The following RAB10 variants were observed in gnomAD, a reference collection of about 807,000 sequenced individuals.
RAB10 encodes the protein RAB10, member RAS oncogene family, also known as ras-related protein Rab-10.
In RAB10, 5 loss-of-function variants were observed where a neutral mutation model predicts 25.7. The observed-to-expected ratio is 0.19, with a 90% CI of 0.10 to 0.41. The LOEUF (loss-of-function observed/expected upper bound fraction) is 0.41. RAB10 is among the 10% of genes least tolerant of loss of function. The pLI, the probability that RAB10 is intolerant of heterozygous loss-of-function variation, is 1.00. For missense variants in RAB10, 103 were observed against 245.8 expected (o/e 0.42, Z 3.89); for synonymous variants, 89 against 86.4 (o/e 1.03, Z -0.16).
chr2:26,102,944 A>G (rs901832819), intron 2 of RAB10, among the ~76,000 whole-genome samples: 7 of 152,208 alleles, frequency 4.6e-5, no homozygotes, highest in Non-Finnish European at 1.0e-4. Flanking sequence ...CTTGATTTAG[A>G]GCATTGTTAG....
chr2:26,050,541 A>G (rs924506178), intron 1 of RAB10, among the ~76,000 whole-genome samples: 3 of 151,944 alleles, frequency 2.0e-5, no homozygotes, highest in African/African-American at 4.8e-5. Context: ...AATTTGTTCT[A>G]CTGCCTGGGA....
intron 2 of RAB10, among the ~76,000 whole-genome samples, chr2:26,099,952 AG>A (rs1667309192): frequency 6.6e-6 from 1 of 152,112 alleles, no homozygotes; most frequent in African/African-American, 2.4e-5. Flanking sequence ...TTGATTTTAA[AG>A]TATCCTTTTC....
chr2:26,035,209 A>G (rs1313025971), intron 1 of RAB10, among the ~76,000 whole-genome samples: 1 of 152,230 alleles, frequency 6.6e-6, no homozygotes, highest in African/African-American at 2.4e-5. Flanking sequence ...AGAATAATTA[A>G]GGTAAATTAG....
chr2:26,096,244 C>T (rs1397935319), intron 1 of RAB10, among the ~76,000 whole-genome samples: 3 of 152,132 alleles, frequency 2.0e-5, no homozygotes, highest in African/African-American at 7.2e-5. Context: ...TCTTTTTACT[C>T]CATTTATTGC....
chr2:26,108,752 C>T (rs189849301), intron 2 of RAB10, among the ~76,000 whole-genome samples: 162 of 152,196 alleles, frequency 1.1e-3, no homozygotes, highest in Non-Finnish European at 2.1e-3. Flanking sequence ...CAGGACCTCT[C>T]TGCACAGTTT....
intron 1 of RAB10, among the ~76,000 whole-genome samples, chr2:26,079,550 G>T (rs965726606): frequency 2.0e-5 from 3 of 151,908 alleles, no homozygotes; most frequent in African/African-American, 7.2e-5. Flanking sequence ...CTCTCTGCTG[G>T]GAAGTCATAG....
chr2:26,132,449 T>C (rs1387900111), intron 5 of RAB10, among the ~76,000 whole-genome samples: 2 of 152,174 alleles, frequency 1.3e-5, no homozygotes, highest in East Asian at 3.9e-4. Context: ...AGACAGGGTT[T>C]CAACATATTG....
chr2:26,102,605 A>G (rs1381890530), intron 2 of RAB10, among the ~76,000 whole-genome samples: 1 of 151,912 alleles, frequency 6.6e-6, no homozygotes, highest in Non-Finnish European at 1.5e-5. Flanking sequence ...CGTCCAGCTA[A>G]TTTTTTGTAT....
intron 1 of RAB10, among the ~76,000 whole-genome samples, chr2:26,050,830 C>T (rs115940818): frequency 0.013 from 1,998 of 152,120 alleles, 31 homozygotes; most frequent in South Asian, 0.039. Context: ...CTCATTTTGT[C>T]TCCTGGGCTC....
chr2:26,098,804 T>G, intron 2 of RAB10, 82 bp downstream of exon 2: 262 of 1,208,214 alleles, frequency 2.2e-4, no homozygotes, highest in Non-Finnish European at 2.8e-4. Context: ...TGTCACAGGT[T>G]TAGATTCTGT....
chr2:26,122,113 A>T (rs1667812495), intron 3 of RAB10, among the ~76,000 whole-genome samples: 1 of 152,216 alleles, frequency 6.6e-6, no homozygotes, highest in Non-Finnish European at 1.5e-5. Context: ...GAAAAAATTG[A>T]ATTGCTTAAT....
intron 1 of RAB10, among the ~76,000 whole-genome samples, chr2:26,097,520 C>T (rs773637132): frequency 1.3e-5 from 2 of 152,126 alleles, no homozygotes; most frequent in Admixed American, 1.3e-4. Context: ...TCAGGTGATC[C>T]GCCTGCCTTG....
chr2:26,135,460 A>G lies in RAB10; in HGVS notation c.*439A>G, dbSNP rs530757234. The G allele has an allele frequency of 1.5e-3, 234 of 153,438 alleles. 1 individual carries two copies. The highest frequency in any genetic ancestry group is 2.6e-3 in the Admixed American group (40 of 15,326). The allele number at this position is 153,438 out of a possible 1,614,324, so 9.5% of individuals were successfully genotyped here. A position where few individuals can be genotyped will look rare whatever the true frequency, so the allele number is the denominator to read the frequency against. ...TAATCTATAGACATGTGATAGCAAA[A>G]GAAACAAACAAAAGCCAGGAAAACA... On this transcript the variant is annotated 3_prime_UTR_variant, in exon 6 of 6. Coordinates refer to ENST00000264710, the MANE Select transcript of RAB10 (RefSeq NM_016131.5).
At chr2:26,072,139 C>G (rs1666640020) in intron 1 of RAB10, among the ~76,000 whole-genome samples, 1 of 152,052 alleles carries the variant, frequency 6.6e-6, no homozygotes, top group African/African-American at 2.4e-5. Context: ...TAGAACATGG[C>G]TGGGTGCGGT....
At position 26,100,754 on chromosome 2, in the gene RAB10, T is replaced by A. The variant is rs561637160; in HGVS notation, c.188+2032T>A. On this transcript the variant is annotated intron_variant, in intron 2 of 5. Transcript: ENST00000264710. ...CAAATTTCTCATGTTGCATTTTATTTTAAGAAGACCTGGATGTCTTCAGAG... is the reference window on the plus strand; with the variant it reads ...CAAATTTCTCATGTTGCATTTTATTATAAGAAGACCTGGATGTCTTCAGAG... Among the ~76,000 whole-genome samples the A allele has an allele frequency of 4.8e-4, 73 of 152,310 alleles. No individual in the cohort carries two copies. In the South Asian group the frequency reaches 0.015, roughly 31 times the overall value.
chr2:26,110,695 G>C (rs779625978), intron 3 of RAB10, among the ~76,000 whole-genome samples: 23 of 150,510 alleles, frequency 1.5e-4, no homozygotes, highest in Non-Finnish European at 2.8e-4. Flanking sequence ...TGAAAATGTT[G>C]TTTTTTTTTC....
intron 1 of RAB10, among the ~76,000 whole-genome samples, chr2:26,095,336 G>A (rs570069745): frequency 2.6e-5 from 4 of 152,068 alleles, no homozygotes; most frequent in East Asian, 1.9e-4. Flanking sequence ...GGCCGGGCGC[G>A]GTGGCTCATG....
chr2:26,046,827 A>G (rs1036088434), intron 1 of RAB10, among the ~76,000 whole-genome samples: 1 of 152,230 alleles, frequency 6.6e-6, no homozygotes, highest in African/African-American at 2.4e-5. Flanking sequence ...TCATATCAAA[A>G]TTAGAACAAA....
chr2:26,061,524 C>T (rs1370120514), intron 1 of RAB10, among the ~76,000 whole-genome samples: 1 of 152,056 alleles, frequency 6.6e-6, no homozygotes, highest in South Asian at 2.1e-4. Flanking sequence ...GCTAATATTA[C>T]AGGTGCATGC....
Sources: allele counts gnomAD v4.1 joint callset (sites outside exome capture counted in the v4.1 genomes callset), GRCh38; gene constraint gnomAD v4.1.1; transcripts MANE v1.5; gene names NCBI Gene and HGNC (gene_info 2026-07-23, HGNC 2026-07-21).